THSD7B: variants seen among roughly 807,000 people sequenced by gnomAD.
THSD7B encodes thrombospondin type-1 domain-containing protein 7B.
A neutral mutation model predicts 213.6 loss-of-function variants in THSD7B; 138 were observed. The observed-to-expected ratio is 0.65, with a 90% CI of 0.56 to 0.74. The LOEUF (loss-of-function observed/expected upper bound fraction) is 0.74, where lower values mean the gene tolerates loss of function less well. THSD7B is among the 30% of genes least tolerant of loss of function. THSD7B has a pLI of 0.00. For synonymous variants in THSD7B, 742 were observed against 687.0 expected (o/e 1.08, Z -1.25); for missense variants, 1,931 against 1,991.5 (o/e 0.97, Z 0.58).
chr2:136,817,392 T>C (rs1013122200), intron 1 of THSD7B, among the ~76,000 whole-genome samples: 13 of 145,296 alleles, frequency 8.9e-5, no homozygotes, highest in African/African-American at 2.9e-4. Context: ...CAATTTTGTC[T>C]TTTGTTGCCA....
chr2:137,153,782 G>A (rs1679859440), intron 5 of THSD7B, among the ~76,000 whole-genome samples: 1 of 152,164 alleles, frequency 6.6e-6, no homozygotes, highest in Non-Finnish European at 1.5e-5. Flanking sequence ...TTTCTGCCAA[G>A]TCAGTGTACT....
At chr2:137,430,020 A>C (rs1468741120) in intron 14 of THSD7B, among the ~76,000 whole-genome samples, 1 of 152,058 alleles carries the variant, frequency 6.6e-6, no homozygotes, top group Non-Finnish European at 1.5e-5. Context: ...AGGTAGGAGG[A>C]TCTCTTGAGC....
chr2:136,946,418 C>T (rs1684938818), intron 2 of THSD7B, among the ~76,000 whole-genome samples: 2 of 152,156 alleles, frequency 1.3e-5, no homozygotes, highest in Admixed American at 6.5e-5. Flanking sequence ...AGGTGTCTCC[C>T]AGTTAGGCTA....
intron 13 of THSD7B, among the ~76,000 whole-genome samples, chr2:137,407,061 T>G (rs929312636): frequency 2.6e-5 from 4 of 152,146 alleles, no homozygotes; most frequent in African/African-American, 4.8e-5. Flanking sequence ...AAAGGGAAGT[T>G]TTTAATTAGT....
At chr2:137,306,506 T>G (rs908963030) in intron 12 of THSD7B, among the ~76,000 whole-genome samples, 8 of 152,152 alleles carry the variant, frequency 5.3e-5, no homozygotes, top group African/African-American at 1.9e-4. Flanking sequence ...TGTCAATGTG[T>G]TTATCATCAC....
intron 15 of THSD7B, among the ~76,000 whole-genome samples, chr2:137,557,307 G>C (rs935740747): frequency 6.6e-6 from 1 of 152,136 alleles, no homozygotes; most frequent in African/African-American, 2.4e-5. Flanking sequence ...GCACTCCTCA[G>C]CAAATGTAAA....
intron 7 of THSD7B, among the ~76,000 whole-genome samples, chr2:137,202,565 C>T (rs183038500): frequency 6.6e-6 from 1 of 152,276 alleles, no homozygotes; most frequent in Admixed American, 6.5e-5. Context: ...CCTGCCAACA[C>T]CTAACTGTCA....
intron 12 of THSD7B, among the ~76,000 whole-genome samples, chr2:137,372,227 A>T (rs1320967794): frequency 2.6e-5 from 4 of 151,392 alleles, no homozygotes; most frequent in Admixed American, 1.3e-4. Context: ...GAGTTAGGGA[A>T]GATGGCAAGG....
intron 27 of THSD7B, among the ~76,000 whole-genome samples, chr2:137,674,828 G>C (rs1224600010): frequency 6.6e-6 from 1 of 152,054 alleles, no homozygotes; most frequent in Admixed American, 6.5e-5. Context: ...GTGCTAGGGT[G>C]GGGGGCACTG....
intron 2 of THSD7B, among the ~76,000 whole-genome samples, chr2:136,917,957 C>T (rs1053828439): frequency 3.9e-5 from 6 of 152,164 alleles, no homozygotes; most frequent in African/African-American, 1.4e-4. Flanking sequence ...ATTGCAGTTC[C>T]AGAACAGTGG....
At chr2:136,934,704 G>A (rs1684692014) in intron 2 of THSD7B, among the ~76,000 whole-genome samples, 1 of 152,118 alleles carries the variant, frequency 6.6e-6, no homozygotes, top group Non-Finnish European at 1.5e-5. Context: ...ATTACAAAAA[G>A]AAGAAATTAT....
At chr2:137,134,479 C>T (rs1314449797) in intron 5 of THSD7B, among the ~76,000 whole-genome samples, 3 of 152,106 alleles carry the variant, frequency 2.0e-5, no homozygotes, top group African/African-American at 7.2e-5. Context: ...CAAGTGTCAG[C>T]TGGAGCAGCA....
intron 5 of THSD7B, among the ~76,000 whole-genome samples, chr2:137,132,328 A>G (rs986370247): frequency 5.5e-4 from 83 of 151,050 alleles, no homozygotes; most frequent in Non-Finnish European, 9.1e-4. Context: ...GTCTGCAAAC[A>G]GGGACAATTT....
intron 12 of THSD7B, among the ~76,000 whole-genome samples, chr2:137,352,030 T>C (rs1398026135): frequency 6.6e-6 from 1 of 151,934 alleles, no homozygotes; most frequent in Non-Finnish European, 1.5e-5. Flanking sequence ...TAATTCTTCT[T>C]CTTTCAGTGT....
intron 6 of THSD7B, among the ~76,000 whole-genome samples, chr2:137,166,227 C>G (rs78739292): frequency 1.3e-5 from 2 of 151,994 alleles, no homozygotes; most frequent in East Asian, 3.9e-4. Flanking sequence ...GCTAGGATGC[C>G]TTTCAGAGGA....
At position 137,623,881 on chromosome 2, in the gene THSD7B, A is replaced by G. The variant is rs1353022166; in HGVS notation, c.3799+3155A>G. 2.0e-5 allele frequency among the ~76,000 whole-genome samples: 3 copies of G among 152,228 alleles called. No homozygotes were observed. The East Asian group carries it at 5.8e-4, about 29-fold the overall frequency. ...ATGCTAATGTGTAGGAAGAATCAAT[A>G]TCGTGAAAATGGCCATACTGCCCAA... On this transcript the variant is annotated intron_variant, in intron 20 of 27. Coordinates refer to ENST00000409968, the MANE Select transcript of THSD7B (RefSeq NM_001316349.2).
At position 137,411,695 on chromosome 2, in the gene THSD7B, T is replaced by G. The variant is rs1558788436; in HGVS notation, c.2782T>G (p.Ser928Ala). Residue 928 changes from serine to alanine, a missense_variant, in exon 14 of 28, where the codon TCC becomes GCC. By Grantham distance (99) the Ser-to-Ala change is moderately conservative (BLOSUM62 1). Coordinates refer to ENST00000409968, the MANE Select transcript of THSD7B (RefSeq NM_001316349.2). ...ACTATGTCCTTGTGATGAATTTATA[T>G]CCCAACCTTATGGAAACTGGTCAGA... Reference protein sequence around the residue: ...TELCPCDEFISQPYGNWSDCI... With the variant: ...TELCPCDEFIAQPYGNWSDCI... 6.2e-7 allele frequency: 1 copy of G among 1,613,870 alleles called. No individual in the cohort carries two copies. Among genetic ancestry groups the G allele is most frequent in the African/African-American group, 1.3e-5 (1 of 74,924 alleles).
intron 3 of THSD7B, among the ~76,000 whole-genome samples, chr2:137,091,926 TC>T (rs550924077): frequency 6.6e-6 from 1 of 152,132 alleles, no homozygotes; most frequent in Non-Finnish European, 1.5e-5. Context: ...AAAGAGGTTG[TC>T]CCCTCCCCCA....
chr2:136,906,140 A>T (rs1393133510), intron 2 of THSD7B, among the ~76,000 whole-genome samples: 1 of 152,084 alleles, frequency 6.6e-6, no homozygotes, highest in Non-Finnish European at 1.5e-5. Context: ...GCCTTTAAAA[A>T]TATTTTTTAT....
Sources: gnomAD v4.1 joint callset for allele counts (sites outside exome capture counted in the v4.1 genomes callset) on GRCh38, gnomAD v4.1.1 for gene constraint, MANE v1.5 for transcripts, NCBI Gene and HGNC (gene_info 2026-07-23, HGNC 2026-07-21) for gene names.